EYA4: variants seen among roughly 807,000 people sequenced by gnomAD.
The protein encoded by EYA4 is EYA transcriptional coactivator and phosphatase 4.
Under a neutral mutation model 87.9 loss-of-function variants are expected in EYA4, and 31 were observed. That is an observed-to-expected ratio of 0.35 (90% CI 0.27 to 0.48). EYA4 has a LOEUF of 0.48. EYA4 is among the 20% of genes least tolerant of loss of function. The probability of loss-of-function intolerance (pLI) is 0.99; values close to 1 mark genes in which losing one functional copy is unlikely to be tolerated. For synonymous variants in EYA4, 263 were observed against 270.6 expected (o/e 0.97, Z 0.28); for missense variants, 678 against 761.4 (o/e 0.89, Z 1.29).
At chr6:133,499,690 T>C (rs1440832975) in intron 13 of EYA4, among the ~76,000 whole-genome samples, 4 of 152,306 alleles carry the variant, frequency 2.6e-5, no homozygotes, top group Admixed American at 6.5e-5. Flanking sequence ...GCTACATTAC[T>C]AAGAAAAAGA....
At chr6:133,465,085 T>C (rs1025025205) in intron 10 of EYA4, among the ~76,000 whole-genome samples, 4 of 152,178 alleles carry the variant, frequency 2.6e-5, no homozygotes, top group Non-Finnish European at 4.4e-5. Context: ...CTTTAAACAT[T>C]TATGCTGTAG....
intron 17 of EYA4, among the ~76,000 whole-genome samples, chr6:133,520,344 GACAA>G (rs1289564270): frequency 6.0e-5 from 7 of 116,478 alleles, no homozygotes; most frequent in Non-Finnish European, 1.1e-4. Flanking sequence ...ACCAACAACA[GACAA>G]ACAGAGAGCC....
chr6:133,478,739 A>C (rs1220379858), intron 11 of EYA4, among the ~76,000 whole-genome samples: 1 of 152,174 alleles, frequency 6.6e-6, no homozygotes, highest in South Asian at 2.1e-4. Context: ...AAAAGCATCA[A>C]TGGGAATAAA....
intron 3 of EYA4, among the ~76,000 whole-genome samples, chr6:133,431,641 A>G (rs1411044639): frequency 6.6e-6 from 1 of 152,210 alleles, no homozygotes; most frequent in Non-Finnish European, 1.5e-5. Context: ...CTCAGCAGGG[A>G]CAAATTACCA....
At chr6:133,374,153 A>G (rs895461968) in intron 2 of EYA4, among the ~76,000 whole-genome samples, 1 of 152,126 alleles carries the variant, frequency 6.6e-6, no homozygotes, top group Non-Finnish European at 1.5e-5. Flanking sequence ...CATACTGTAC[A>G]TAAATAATTG....
chr6:133,353,762 G>A (rs766860783), intron 2 of EYA4, among the ~76,000 whole-genome samples: 4 of 152,138 alleles, frequency 2.6e-5, no homozygotes, highest in Non-Finnish European at 5.9e-5. Flanking sequence ...CTTGATTTAC[G>A]TAAGGGTGGA....
intron 2 of EYA4, among the ~76,000 whole-genome samples, chr6:133,366,579 A>C (rs1433053841): frequency 6.6e-6 from 1 of 152,200 alleles, no homozygotes; most frequent in African/African-American, 2.4e-5. Flanking sequence ...AATGTATGTG[A>C]GTTTGTCAGC....
intron 2 of EYA4, among the ~76,000 whole-genome samples, chr6:133,374,543 G>A (rs1785523195): frequency 6.6e-6 from 1 of 151,996 alleles, no homozygotes; most frequent in African/African-American, 2.4e-5. Context: ...TAGAGTATTT[G>A]ATAGTATCTT....
At chr6:133,396,060 T>A (rs2128504853) in intron 3 of EYA4, among the ~76,000 whole-genome samples, 1 of 152,336 alleles carries the variant, frequency 6.6e-6, no homozygotes, top group South Asian at 2.1e-4. Flanking sequence ...AGGATGACTT[T>A]TACCATGGGC....
chr6:133,398,108 G>A (rs1787956491), intron 3 of EYA4, among the ~76,000 whole-genome samples: 2 of 151,990 alleles, frequency 1.3e-5, no homozygotes, highest in Non-Finnish European at 1.5e-5. Context: ...GATAAAACTG[G>A]AAAAAAGAAA....
chr6:133,404,816 A>G (rs1408396573), intron 3 of EYA4, among the ~76,000 whole-genome samples: 2 of 152,176 alleles, frequency 1.3e-5, no homozygotes, highest in Non-Finnish European at 2.9e-5. Context: ...CTTAAAGTGG[A>G]TTGCTTGTAT....
Position 133,462,623 on chromosome 6 carries a change from T to A in EYA4, c.583T>A (p.Leu195Met), listed in dbSNP as rs776040329. ...GQPYSLPTYD[L>M]GVMLPAIKTE... ...TACACATTCAATTTTCTGAACAGAT[T>A]TGGGTGTGATGTTGCCAGCCATCAA... Residue 195 changes from leucine to methionine, a missense_variant and splice_region_variant, in exon 9 of 20, where the codon TTG becomes ATG. Coordinates refer to ENST00000355286, the MANE Select transcript of EYA4 (RefSeq NM_004100.5). 1.2e-6 allele frequency: 2 copies of A among 1,614,056 alleles called. No homozygotes were observed. The highest frequency in any genetic ancestry group is 2.2e-5 in the South Asian group (2 of 91,088).
intron 2 of EYA4, among the ~76,000 whole-genome samples, chr6:133,290,482 A>G (rs1034854012): frequency 3.9e-5 from 6 of 152,152 alleles, no homozygotes; most frequent in African/African-American, 1.2e-4. Flanking sequence ...AACCTAGACT[A>G]TATTTATTTT....
chr6:133,371,449 GT>G lies in EYA4; in HGVS notation c.34-10940del, dbSNP rs935983800. The stretch of plus-strand genomic sequence containing the variant: ...GTTACACTACCTTATTTTGCGTTTT[GT>G]TTGTTTTCTAACCGAAAGTTCACTA... On this transcript the variant is annotated intron_variant, in intron 2 of 19. Transcript: ENST00000355286. 7.9e-5 allele frequency among the ~76,000 whole-genome samples: 12 copies of G among 152,172 alleles called. No homozygotes were observed. In the East Asian group the frequency reaches 2.1e-3, roughly 27 times the overall value.
Position 133,428,059 on chromosome 6 carries a change from G to A in EYA4, c.84-18571G>A, listed in dbSNP as rs191958369. 2.6e-5 allele frequency among the ~76,000 whole-genome samples: 4 copies of A among 152,236 alleles called. No individual in the cohort carries two copies. In the East Asian group the frequency reaches 7.7e-4, roughly 29 times the overall value. ...CACACTCCAGTGTTCTGATTTGAGA[G>A]ACCAATTTAATAATATAGTTAGAGA... On this transcript the variant is annotated intron_variant, in intron 3 of 19. Transcript: ENST00000355286.
At chr6:133,372,482 T>C (rs375424026) in intron 2 of EYA4, among the ~76,000 whole-genome samples, 1 of 100,388 alleles carries the variant, frequency 1.0e-5, no homozygotes, top group Non-Finnish European at 2.3e-5. Context: ...TAATATAAAA[T>C]ATAAAACTAC....
chr6:133,417,645 C>G (rs1789842865), intron 3 of EYA4, among the ~76,000 whole-genome samples: 1 of 146,848 alleles, frequency 6.8e-6, no homozygotes, highest in Non-Finnish European at 1.5e-5. Flanking sequence ...CAGATACACT[C>G]TGTATTGGAT....
At chr6:133,445,610 G>A (rs964069269) in intron 3 of EYA4, among the ~76,000 whole-genome samples, 41 of 143,962 alleles carry the variant, frequency 2.8e-4, no homozygotes, top group Admixed American at 2.0e-3. Context: ...ACAGAGTCTC[G>A]CTCTGTCGCT....
At chr6:133,509,465 T>C (rs1798947856) in intron 14 of EYA4, among the ~76,000 whole-genome samples, 1 of 150,904 alleles carries the variant, frequency 6.6e-6, no homozygotes, top group African/African-American at 2.4e-5. Flanking sequence ...TACTGCAACA[T>C]ATATAGTAGC....
Sources: allele counts gnomAD v4.1 joint callset (sites outside exome capture counted in the v4.1 genomes callset), GRCh38; gene constraint gnomAD v4.1.1; transcripts MANE v1.5; gene names NCBI Gene and HGNC (gene_info 2026-07-23, HGNC 2026-07-21).